PIGU: variants seen among roughly 807,000 people sequenced by gnomAD.
PIGU encodes the protein phosphatidylinositol glycan anchor biosynthesis class U.
PIGU carries 24 observed loss-of-function variants against 49.9 expected under a neutral mutation model. The observed-to-expected ratio is 0.48, with a 90% CI of 0.35 to 0.68. The LOEUF (loss-of-function observed/expected upper bound fraction) is 0.68, where lower values mean the gene tolerates loss of function less well. Ranked by LOEUF, PIGU falls within the 30% of genes least tolerant of loss-of-function variation. The pLI is 0.01. For missense variants in PIGU, 490 were observed against 532.6 expected (o/e 0.92, Z 0.79); for synonymous variants, 220 against 205.7 (o/e 1.07, Z -0.59).
At chr20:34,607,660 A>G (rs139610918) in intron 7 of PIGU, among the ~76,000 whole-genome samples, 1 of 152,320 alleles carries the variant, frequency 6.6e-6, no homozygotes, top group Non-Finnish European at 1.5e-5. Context: ...TCATACTGAG[A>G]TGTGAAATGC....
At chr20:34,609,946 G>T (rs1984752718) in intron 7 of PIGU, among the ~76,000 whole-genome samples, 1 of 152,036 alleles carries the variant, frequency 6.6e-6, no homozygotes, top group Admixed American at 6.6e-5. Context: ...TTCCCTCTTT[G>T]CTTGGCACCT....
At chr20:34,651,238 C>A (rs968521917) in intron 2 of PIGU, among the ~76,000 whole-genome samples, 6 of 152,190 alleles carry the variant, frequency 3.9e-5, no homozygotes, top group Non-Finnish European at 8.8e-5. Flanking sequence ...GAAGTTCCAG[C>A]CTAAAGGCAA....
chr20:34,629,076 GCA>G (rs1985604134), intron 6 of PIGU, among the ~76,000 whole-genome samples: 1 of 151,302 alleles, frequency 6.6e-6, no homozygotes, highest in African/African-American at 2.4e-5. Flanking sequence ...GATTGCAGTG[GCA>G]CAGTCTCAGC....
intron 1 of PIGU, among the ~76,000 whole-genome samples, chr20:34,663,396 G>A (rs761859372): frequency 2.6e-5 from 4 of 152,004 alleles, no homozygotes; most frequent in South Asian, 2.1e-4. Context: ...AAGATCAATT[G>A]AGCCCAGGAG....
intron 4 of PIGU, among the ~76,000 whole-genome samples, chr20:34,642,920 G>A (rs1029199268): frequency 1.3e-5 from 2 of 151,578 alleles, no homozygotes; most frequent in African/African-American, 4.8e-5. Flanking sequence ...ATCACACTTG[G>A]CTAATTTTTG....
In PIGU at chr20:34,588,472, G is replaced by C. The variant is rs1388409477; in HGVS notation, c.763C>G (p.Pro255Ala). The change falls in exon 8 of 12, where the codon CCC (proline) becomes GCC (alanine). Residue 255 changes from proline to alanine, a missense_variant. Coordinates refer to ENST00000217446, the MANE Select transcript of PIGU (RefSeq NM_080476.5). Reference sequence around the variant, plus strand: ...ACTTACATAAAGCCATAGACTGCGGGGATGAAATCCCAAGAGCTGAGAAGG... The same window carrying C: ...ACTTACATAAAGCCATAGACTGCGGCGATGAAATCCCAAGAGCTGAGAAGG... ...FFLLSSWDFI[P>A]AVYGFILSVP... The C allele has an allele frequency of 2.5e-6, 4 of 1,613,838 alleles. No individual in the cohort carries two copies. The highest frequency in any genetic ancestry group is 3.4e-6 in the Non-Finnish European group (4 of 1,179,862).
intron 1 of PIGU, among the ~76,000 whole-genome samples, chr20:34,664,486 G>A (rs1247318771): frequency 6.8e-6 from 1 of 147,350 alleles, no homozygotes; most frequent in Non-Finnish European, 1.5e-5. Flanking sequence ...ATCACCTGAG[G>A]TCAAGCACTC....
rs1328866448 is a variant in PIGU, at chr20:34,651,604, C to T, written c.195+5576G>A. On this transcript the variant is annotated intron_variant, in intron 2 of 11. Coordinates refer to ENST00000217446, the MANE Select transcript of PIGU (RefSeq NM_080476.5). ...GTAGGTTGGTCTGCTACTGCAAGCC[C>T]GTTCACCAATCCACCAGAACCAGAA... 3.9e-5 allele frequency among the ~76,000 whole-genome samples: 6 copies of T among 152,174 alleles called. No homozygotes were observed. The South Asian group carries it at 6.2e-4, about 16-fold the overall frequency.
Position 34,676,987 on chromosome 20 carries a change from C to T in PIGU, c.99G>A (p.Glu33=), listed in dbSNP as rs751505059. Residue 33 remains glutamate (E), a synonymous_variant, in exon 1 of 12, where the codon GAG becomes GAA. Transcript: ENST00000217446. ...SLAEFISERV[E]VVSPLSSWKR... Reference sequence around the variant, plus strand: ...TCCAAGAGCTCAGTGGGGACACCACCTCCACCCGCTCGGAAATGAACTCGG... The same window carrying T: ...TCCAAGAGCTCAGTGGGGACACCACTTCCACCCGCTCGGAAATGAACTCGG... 1.3e-5 allele frequency: 20 copies of T among 1,580,914 alleles called. 1 individual carries two copies. The South Asian group carries it at 1.3e-4, about 10-fold the overall frequency.
rs141129771 is a variant in PIGU at position 34,609,897 on chromosome 20, G to A, written c.627+6145C>T. 6.0e-4 allele frequency among the ~76,000 whole-genome samples: 92 copies of A among 152,294 alleles called. 1 individual carries two copies. Among genetic ancestry groups the A allele is most frequent in the African/African-American group, 1.8e-3 (76 of 41,564 alleles). On this transcript the variant is annotated intron_variant, in intron 7 of 11. Transcript: ENST00000217446. ...AATGCTGCTGTTCTCCTGATAGTGAGTGAGTTCTCACAGGATCTGATGGTT... is the reference window on the plus strand; with the variant it reads ...AATGCTGCTGTTCTCCTGATAGTGAATGAGTTCTCACAGGATCTGATGGTT...
chr20:34,563,784 AG>A (rs762719944), intron 11 of PIGU, among the ~76,000 whole-genome samples: 19 of 152,198 alleles, frequency 1.2e-4, no homozygotes, highest in Non-Finnish European at 1.9e-4. Context: ...GAGCAGGGAA[AG>A]GGAAAAGAGT....
At chr20:34,633,899 T>C (rs534424279) in intron 6 of PIGU, among the ~76,000 whole-genome samples, 2 of 152,106 alleles carry the variant, frequency 1.3e-5, no homozygotes, top group South Asian at 2.1e-4. Flanking sequence ...CTGTCCATGA[T>C]GGGAGTGCAA....
chr20:34,676,107 T>G (rs529453784), intron 1 of PIGU, among the ~76,000 whole-genome samples: 2 of 151,818 alleles, frequency 1.3e-5, no homozygotes, highest in Admixed American at 1.3e-4. Flanking sequence ...ATTACTCCCC[T>G]GCTTTGGACA....
At chr20:34,567,508 C>T (rs773424524) in intron 11 of PIGU, among the ~76,000 whole-genome samples, 115 of 152,160 alleles carry the variant, frequency 7.6e-4, no homozygotes, top group Non-Finnish European at 1.6e-3. Context: ...GAGGCCACCA[C>T]CACCTCCCCC....
chr20:34,613,172 C>G (rs971940475), intron 7 of PIGU, among the ~76,000 whole-genome samples: 3 of 152,094 alleles, frequency 2.0e-5, no homozygotes, highest in African/African-American at 7.2e-5. Context: ...CTGGTTTGGG[C>G]CCCCAGTTTA....
chr20:34,630,925 G>A (rs954010775), intron 6 of PIGU, among the ~76,000 whole-genome samples: 1 of 152,092 alleles, frequency 6.6e-6, no homozygotes, highest in African/African-American at 2.4e-5. Flanking sequence ...GATTATGGGT[G>A]TGAGTCATTG....
chr20:34,645,250 C>G, intron 3 of PIGU, 25 bp downstream of exon 3: 1 of 1,478,704 alleles, frequency 6.8e-7, no homozygotes, highest in Non-Finnish European at 9.0e-7. Flanking sequence ...ATATACATAT[C>G]AATTTTATAT....
chr20:34,673,485 ATCTC>A (rs761442286), intron 1 of PIGU, among the ~76,000 whole-genome samples: 3 of 152,098 alleles, frequency 2.0e-5, no homozygotes, highest in Non-Finnish European at 4.4e-5. Context: ...TGGTTAACAA[ATCTC>A]TCTCTCTTTC....
chr20:34,584,378 TG>T (rs938840715), intron 9 of PIGU, among the ~76,000 whole-genome samples: 5 of 152,056 alleles, frequency 3.3e-5, no homozygotes, highest in Admixed American at 6.5e-5. Context: ...ATTAAACAGT[TG>T]CAGGTGGCCA....
Sources: gnomAD v4.1 joint callset for allele counts (sites outside exome capture counted in the v4.1 genomes callset) on GRCh38, gnomAD v4.1.1 for gene constraint, MANE v1.5 for transcripts, NCBI Gene and HGNC (gene_info 2026-07-23, HGNC 2026-07-21) for gene names.